The following PIEZO2 variants were observed in gnomAD, a reference collection of about 807,000 sequenced individuals.
PIEZO2 encodes piezo type mechanosensitive ion channel component 2, also known as piezo-type mechanosensitive ion channel component 2.
Under a neutral mutation model 337.3 loss-of-function variants are expected in PIEZO2, and 172 were observed. The observed-to-expected ratio is 0.51, with a 90% CI of 0.45 to 0.58. The LOEUF (loss-of-function observed/expected upper bound fraction) is 0.58. PIEZO2 is among the 20% of genes least tolerant of loss of function. The pLI is 0.00. For synonymous variants in PIEZO2, 1,251 were observed against 1,228.5 expected (o/e 1.02, Z -0.38); for missense variants, 3,028 against 3,391.3 (o/e 0.89, Z 2.66).
chr18:10,726,868 C>T lies in PIEZO2; in HGVS notation c.5029+4539G>A. The T allele has an allele frequency of 6.3e-7, 1 of 1,597,968 alleles. No individual in the cohort carries two copies. The highest frequency in any genetic ancestry group is 1.3e-5 in the African/African-American group (1 of 74,490). On this transcript the variant is annotated intron_variant, in intron 36 of 55. Transcript: ENST00000674853. This position sits in a 1 kb window ranked among gnomAD's most constrained non-coding sequence, Gnocchi z 5.9. ...TATGCAGGACTTGGCACGCTACCGGCAGCAGCTGAAGCACATCATGGCCAC... is the reference window on the plus strand; with the variant it reads ...TATGCAGGACTTGGCACGCTACCGGTAGCAGCTGAAGCACATCATGGCCAC...
chr18:11,010,016 A>T (rs1179111130), intron 2 of PIEZO2, among the ~76,000 whole-genome samples: 2 of 152,172 alleles, frequency 1.3e-5, no homozygotes, highest in African/African-American at 4.8e-5. Flanking sequence ...TTTTGTTATA[A>T]CAGCAAGAGT....
In PIEZO2 at chr18:10,828,409, T is replaced by C. The variant is rs2040744885; in HGVS notation, c.918-21135A>G. 6.6e-6 allele frequency among the ~76,000 whole-genome samples: 1 copy of C among 152,106 alleles called. No homozygotes were observed. Among genetic ancestry groups the C allele is most frequent in the South Asian group, 2.1e-4 (1 of 4,824 alleles). ...AGCTGCTGCCCTGAAGAAATTCCTA[T>C]TTTAACAAAAAGGTTGGGGATTTTG... On this transcript the variant is annotated intron_variant, in intron 7 of 55. Coordinates refer to ENST00000674853, the MANE Select transcript of PIEZO2 (RefSeq NM_001378183.1). This position sits in a 1 kb window ranked among gnomAD's most constrained non-coding sequence, Gnocchi z 4.1.
In PIEZO2 at chr18:10,726,622, C is replaced by G. The variant is rs2036555706; in HGVS notation, c.5029+4785G>C. 1 of 711,084 alleles carries G rather than the reference C, an allele frequency of 1.4e-6. No homozygotes were observed. The highest frequency in any genetic ancestry group is 1.8e-6 in the Non-Finnish European group (1 of 567,692). 44.0% of individuals were successfully genotyped at this position (711,084 alleles called of 1,614,324 possible). A position where few individuals can be genotyped will look rare whatever the true frequency, so the allele number is the denominator to read the frequency against. ...GCGCTACGTGCGGGACGCCGACGTG[C>G]GCTGGGAGTACTGCGCGCGCGCCAA... On this transcript the variant is annotated intron_variant, in intron 36 of 55. Coordinates refer to ENST00000674853, the MANE Select transcript of PIEZO2 (RefSeq NM_001378183.1). The surrounding 1 kb of genome is among the most constrained non-coding windows in gnomAD (Gnocchi z 5.9).
intron 4 of PIEZO2, among the ~76,000 whole-genome samples, chr18:10,879,724 A>G (rs2042364265): frequency 6.6e-6 from 1 of 152,122 alleles, no homozygotes. Flanking sequence ...TACTGATCTT[A>G]CTTGTTCAGA....
At chr18:10,743,876 C>T (rs143070172) in intron 31 of PIEZO2, among the ~76,000 whole-genome samples, 1 of 152,278 alleles carries the variant, frequency 6.6e-6, no homozygotes, top group East Asian at 1.9e-4. Flanking sequence ...TAAAGTAAGT[C>T]ACTCAGCTAG....
intron 3 of PIEZO2, among the ~76,000 whole-genome samples, chr18:10,924,190 G>A (rs1453367917): frequency 2.0e-5 from 3 of 152,190 alleles, no homozygotes; most frequent in African/African-American, 4.8e-5. Flanking sequence ...AAAAGTGTGA[G>A]TTAAAATGAA....
intron 42 of PIEZO2, among the ~76,000 whole-genome samples, chr18:10,702,866 T>G (rs1438074024): frequency 6.6e-6 from 1 of 152,180 alleles, no homozygotes; most frequent in African/African-American, 2.4e-5. Context: ...ATTTTATTTA[T>G]TTTTTTAGAG....
rs1047272375 is a variant in PIEZO2, at chr18:10,750,289, A to C, written c.4168-102T>G. On this transcript the variant is annotated intron_variant, in intron 28 of 55. Coordinates refer to ENST00000674853, the MANE Select transcript of PIEZO2 (RefSeq NM_001378183.1). The surrounding 1 kb of genome is among the most constrained non-coding windows in gnomAD (Gnocchi z 4.1). ...TGCAAGAATTCACAAGGTCTCAGTG[A>C]TAAGGATTCCAGGAGATGCCAATTG... 1.2e-6 allele frequency: 1 copy of C among 838,434 alleles called. No individual in the cohort carries two copies. The highest frequency in any genetic ancestry group is 1.9e-6 in the Non-Finnish European group (1 of 519,098). The allele number at this position is 838,434 out of a possible 1,614,324, so 51.9% of individuals were successfully genotyped here.
chr18:10,676,223 A>G lies in PIEZO2; in HGVS notation c.8082-935T>C, dbSNP rs1184968536. The stretch of plus-strand genomic sequence containing the variant: ...ATAGGAGAGGATCTGACAGTCTCCA[A>G]GGGCCCTTCAACTTTAGTGAGTCGC... On this transcript the variant is annotated intron_variant, in intron 53 of 55. Transcript: ENST00000674853. This position sits in a 1 kb window ranked among gnomAD's most constrained non-coding sequence, Gnocchi z 5.1. Among the ~76,000 whole-genome samples, 1 of 152,150 alleles carries G rather than the reference A, an allele frequency of 6.6e-6. No individual in the cohort carries two copies. The highest frequency in any genetic ancestry group is 2.4e-5 in the African/African-American group (1 of 41,426).
chr18:10,938,930 C>CA (rs995321910), intron 3 of PIEZO2, among the ~76,000 whole-genome samples: 13 of 151,936 alleles, frequency 8.6e-5, no homozygotes, highest in Admixed American at 4.6e-4. Context: ...GCTAAAAATA[C>CA]AAAAAAATTA....
chr18:10,723,253 C>T (rs2036396898), intron 36 of PIEZO2, among the ~76,000 whole-genome samples: 1 of 152,158 alleles, frequency 6.6e-6, no homozygotes, highest in South Asian at 2.1e-4. Flanking sequence ...AGGCGTGAGC[C>T]ACCGCGCCTG....
intron 49 of PIEZO2, among the ~76,000 whole-genome samples, chr18:10,689,376 T>G (rs2034696616): frequency 6.6e-6 from 1 of 152,164 alleles, no homozygotes; most frequent in African/African-American, 2.4e-5. Context: ...AAGGAGCCAT[T>G]TAAGAGTTGT....
intron 2 of PIEZO2, among the ~76,000 whole-genome samples, chr18:10,992,710 G>A (rs1473166633): frequency 6.6e-6 from 1 of 152,198 alleles, no homozygotes; most frequent in African/African-American, 2.4e-5. Flanking sequence ...TGGCTATGCA[G>A]GCTCTATTTT....
chr18:10,813,977 T>TA lies in PIEZO2; in HGVS notation c.918-6704_918-6703insT, dbSNP rs1056706399. On this transcript the variant is annotated intron_variant, in intron 7 of 55. Coordinates refer to ENST00000674853, the MANE Select transcript of PIEZO2 (RefSeq NM_001378183.1). This position sits in a 1 kb window ranked among gnomAD's most constrained non-coding sequence, Gnocchi z 4.2. ...GTGAGATGGGACACCATATATTTTT[T>TA]TTTTTTTTGAGATGGAGTTTTGCTC... Among the ~76,000 whole-genome samples the TA allele has an allele frequency of 2.7e-4, 41 of 152,082 alleles. No homozygotes were observed. Among genetic ancestry groups the TA allele is most frequent in the African/African-American group, 8.4e-4 (35 of 41,460 alleles).
At chr18:10,805,924 T>C (rs962205069) in intron 8 of PIEZO2, among the ~76,000 whole-genome samples, 3 of 152,254 alleles carry the variant, frequency 2.0e-5, no homozygotes, top group African/African-American at 7.2e-5. Context: ...CCTGCAGTTT[T>C]ACAGTCACTA....
chr18:10,972,172 C>CAAA (rs71169963), intron 3 of PIEZO2, among the ~76,000 whole-genome samples: 17 of 90,468 alleles, frequency 1.9e-4, no homozygotes, highest in African/African-American at 6.9e-4. Context: ...GACTCCGCCT[C>CAAA]AAAAAAAAAA....
chr18:11,139,071 T>C (rs1221769701), intron 1 of PIEZO2, among the ~76,000 whole-genome samples: 2 of 152,354 alleles, frequency 1.3e-5, no homozygotes, highest in South Asian at 2.1e-4. Flanking sequence ...TCTGGAGCTA[T>C]TCATAAAAGC....
chr18:10,720,399 GTGTGTATGTGTATGTGTATGTATA>G (rs2036237025), intron 36 of PIEZO2, among the ~76,000 whole-genome samples: 3 of 9,176 alleles, frequency 3.3e-4, no homozygotes, highest in African/African-American at 1.3e-3. Flanking sequence ...GTGTGTGTGT[GTGTGTATGTGTATGTGTATGTATA>G]TATATATATA....
Position 11,070,824 on chromosome 18 carries a change from A to G in PIEZO2, c.65-4602T>C, listed in dbSNP as rs921437416. Among the ~76,000 whole-genome samples the G allele has an allele frequency of 3.3e-5, 5 of 152,198 alleles. No individual in the cohort carries two copies. The highest frequency in any genetic ancestry group is 5.9e-5 in the Non-Finnish European group (4 of 68,036). On this transcript the variant is annotated intron_variant, in intron 1 of 55. Coordinates refer to ENST00000674853, the MANE Select transcript of PIEZO2 (RefSeq NM_001378183.1). The surrounding 1 kb of genome is among the most constrained non-coding windows in gnomAD (Gnocchi z 4.3). Reference sequence around the variant, plus strand: ...AGACTGGGCCTAAGTGCTCCTGGTCACAGAAGTGCTGGGCATCAGGGACTA... The same window carrying G: ...AGACTGGGCCTAAGTGCTCCTGGTCGCAGAAGTGCTGGGCATCAGGGACTA...
Sources: allele counts gnomAD v4.1 joint callset (sites outside exome capture counted in the v4.1 genomes callset), GRCh38; gene constraint gnomAD v4.1.1; non-coding constraint Gnocchi (gnomAD v3.1); transcripts MANE v1.5; gene names NCBI Gene and HGNC (gene_info 2026-07-23, HGNC 2026-07-21).